FKBP11: variants seen among roughly 807,000 people sequenced by gnomAD.
The protein encoded by FKBP11 is FKBP prolyl isomerase 11.
Under a neutral mutation model 24.7 loss-of-function variants are expected in FKBP11, and 21 were observed. The observed-to-expected ratio is 0.85, with a 90% CI of 0.60 to 1.23. The LOEUF is 1.23. FKBP11 is among the 50% of genes most tolerant of loss of function. The probability of loss-of-function intolerance (pLI) is 0.00; values close to 1 mark genes in which losing one functional copy is unlikely to be tolerated. For synonymous variants in FKBP11, 106 were observed against 100.6 expected (o/e 1.05, Z -0.32); for missense variants, 245 against 248.7 (o/e 0.99, Z 0.10).
intron 1 of FKBP11, 30 bp from the exon 2 acceptor site, chr12:48,925,141 C>A: frequency 6.2e-7 from 1 of 1,610,666 alleles, no homozygotes; most frequent in Non-Finnish European, 8.5e-7. Flanking sequence ...GTCACGGATG[C>A]TCTTCCAAAG....
chr12:48,934,965 G>A, the FKBP11 span, among the ~76,000 whole-genome samples: 1 of 143,012 alleles, frequency 7.0e-6, no homozygotes, highest in Non-Finnish European at 1.5e-5. Flanking sequence ...GCTGTGGTGA[G>A]CCGATATCGT....
At chr12:48,938,199 G>A in the FKBP11 span, 3 of 352,556 alleles carry the variant, frequency 8.5e-6, no homozygotes, top group South Asian at 4.2e-5. Flanking sequence ...TAAGAAGGGT[G>A]GAGAGAAGAG....
upstream of FKBP11, chr12:48,925,977 T>C (rs1939956108): frequency 6.5e-6 from 1 of 153,688 alleles, no homozygotes; most frequent in African/African-American, 2.4e-5. Context: ...CAGTTCTCAT[T>C]CCTCTCCGAC....
chr12:48,923,430 G>A, intron 5 of FKBP11: 1 of 1,525,494 alleles, frequency 6.6e-7, no homozygotes, highest in Non-Finnish European at 8.8e-7. Context: ...GTGGGGGGTG[G>A]CTGTACAGCT....
chr12:48,923,543 C>G, intron 5 of FKBP11: 1 of 1,551,540 alleles, frequency 6.4e-7, no homozygotes, highest in South Asian at 1.2e-5. Flanking sequence ...AGGTCTCTTC[C>G]CTAACAAGTT....
intron 3 of FKBP11, 108 bp from the exon 4 acceptor site, chr12:48,924,364 T>G (rs1939904674): frequency 7.0e-7 from 1 of 1,424,402 alleles, no homozygotes; most frequent in Non-Finnish European, 9.8e-7. Context: ...TTTCCCTCAC[T>G]TCTTAAATCT....
rs796928573 is a variant in FKBP11, at chr12:48,923,192, A to G, written c.388+590T>C. The G allele has an allele frequency of 2.5e-6, 3 of 1,223,600 alleles. No homozygotes were observed. In the African/African-American group the frequency reaches 4.6e-5, roughly 19 times the overall value. 75.8% of individuals were successfully genotyped at this position (1,223,600 alleles called of 1,614,324 possible). A position where few individuals can be genotyped will look rare whatever the true frequency, so the allele number is the denominator to read the frequency against. On this transcript the variant is annotated intron_variant, in intron 5 of 5. Transcript: ENST00000550765. The stretch of plus-strand genomic sequence containing the variant: ...ACGAGCCCAATACTCTGTGGAGTAC[A>G]ACACATTTTAGCTAATAGAACATTT...
At chr12:48,923,518 C>G in intron 5 of FKBP11, 1 of 1,551,026 alleles carries the variant, frequency 6.4e-7, no homozygotes, top group Non-Finnish European at 8.7e-7. Flanking sequence ...GGCAGCAGAC[C>G]CATGTGGCCC....
upstream of FKBP11, among the ~76,000 whole-genome samples, chr12:48,927,068 G>C (rs986647530): frequency 6.6e-6 from 1 of 151,746 alleles, no homozygotes; most frequent in Admixed American, 6.6e-5. Flanking sequence ...TCAGCATCCC[G>C]AAGTGCTGGG....
In FKBP11 at chr12:48,924,212, G is replaced by A. The variant is rs139448829; in HGVS notation, c.317+11C>T. 18 of 1,614,048 alleles carry A rather than the reference G, an allele frequency of 1.1e-5. No homozygotes were observed. Among genetic ancestry groups the A allele is most frequent in the South Asian group, 3.3e-5 (3 of 91,080 alleles). On this transcript the variant is annotated intron_variant, in intron 4 of 5. Coordinates refer to ENST00000550765, the MANE Select transcript of FKBP11 (RefSeq NM_016594.3). ...GGGGGTACCCAGGCCCACCCCTGCC[G>A]AGATACTCACCCCACACACATGTCG... is the stretch of plus-strand genomic sequence containing the variant.
intron 5 of FKBP11, chr12:48,923,011 G>C: frequency 1.4e-6 from 1 of 730,630 alleles, no homozygotes; most frequent in Non-Finnish European, 2.0e-6. Context: ...AGCCGGTCGT[G>C]GTGGCGCATG....
chr12:48,929,169 TGGTGTGGTGGCTC>T, upstream of FKBP11, among the ~76,000 whole-genome samples: 1 of 151,754 alleles, frequency 6.6e-6, no homozygotes, highest in South Asian at 2.1e-4. Context: ...AAAAAAGTCT[TGGTGTGGTGGCTC>T]ACACCTGTAA....
At chr12:48,924,719 T>C in intron 2 of FKBP11, 71 bp from the exon 3 acceptor site, 2 of 1,584,580 alleles carry the variant, frequency 1.3e-6, no homozygotes, top group Admixed American at 3.5e-5. Flanking sequence ...AACACACACC[T>C]GGACCGCTGG....
the FKBP11 span, among the ~76,000 whole-genome samples, chr12:48,933,099 C>T: frequency 6.6e-6 from 1 of 152,158 alleles, no homozygotes; most frequent in Admixed American, 6.5e-5. Context: ...ATGGTCTCAA[C>T]CCAACTTCCT....
intron 5 of FKBP11, chr12:48,922,760 G>A (rs746160586): frequency 6.0e-6 from 6 of 1,001,490 alleles, no homozygotes; most frequent in Non-Finnish European, 7.2e-6. Flanking sequence ...AAGCAGCACT[G>A]GGAATGGGGA....
At chr12:48,924,061 C>T (rs1312882228) in intron 4 of FKBP11, 162 bp downstream of exon 4, 1 of 919,608 alleles carries the variant, frequency 1.1e-6, no homozygotes. Context: ...GCAAGAGGCA[C>T]AGAGGCTTTG....
chr12:48,926,451 C>T (rs1939966556), upstream of FKBP11: 1 of 150,704 alleles, frequency 6.6e-6, no homozygotes, highest in Admixed American at 6.6e-5. Context: ...TCTCAAACTC[C>T]TGATGTCAGG....
chr12:48,932,261 A>ATATATTT, the FKBP11 span, among the ~76,000 whole-genome samples: 1 of 30,504 alleles, frequency 3.3e-5, no homozygotes, highest in African/African-American at 1.6e-4. Context: ...ATATATATAT[A>ATATATTT]TTTTTTTTTT....
the FKBP11 span, chr12:48,938,934 G>A: frequency 1.9e-6 from 3 of 1,610,946 alleles, no homozygotes; most frequent in Non-Finnish European, 1.7e-6. Flanking sequence ...GCTTTGTTAG[G>A]GCTGTCTGGC....
Sources: allele counts gnomAD v4.1 joint callset (sites outside exome capture counted in the v4.1 genomes callset), GRCh38; gene constraint gnomAD v4.1.1; transcripts MANE v1.5; gene names NCBI Gene and HGNC (gene_info 2026-07-23, HGNC 2026-07-21).